Variants in XRN1 observed in about 807,000 individuals in gnomAD.
XRN1 encodes strand-exchange protein 1 homolog.
XRN1 carries 67 observed loss-of-function variants against 222.3 expected under a neutral mutation model. That is an observed-to-expected ratio of 0.30 (90% CI 0.25 to 0.37). The LOEUF (loss-of-function observed/expected upper bound fraction) is 0.37, where lower values mean the gene tolerates loss of function less well. XRN1 is among the 10% of genes least tolerant of loss of function. The pLI is 1.00. For missense variants in XRN1, 1,707 were observed against 2,000.2 expected, an observed-to-expected ratio of 0.85 and a Z score of 2.80; for synonymous variants, 643 against 652.4, an observed-to-expected ratio of 0.99 and a Z score of 0.22.
chr3:142,322,577 T>A (rs1407966781), intron 37 of XRN1, among the ~76,000 whole-genome samples: 1 of 151,994 alleles, frequency 6.6e-6, no homozygotes, highest in East Asian at 1.9e-4. Flanking sequence ...TCCCAGCTAC[T>A]CAGGAGGCAG....
chr3:142,324,615 AT>A (rs36136360), intron 37 of XRN1, among the ~76,000 whole-genome samples: 56,709 of 151,370 alleles, frequency 0.37, 10,818 homozygotes, highest in Middle Eastern at 0.47. Context: ...ATACCCAGTA[AT>A]GGGATGGCTG....
intron 15 of XRN1, among the ~76,000 whole-genome samples, chr3:142,407,101 T>C (rs1475278243): frequency 1.3e-5 from 2 of 152,198 alleles, no homozygotes; most frequent in Non-Finnish European, 2.9e-5. Flanking sequence ...TCAGCACAGT[T>C]ATTTGGTCTT....
chr3:142,315,511 T>C (rs1433788429), intron 39 of XRN1, among the ~76,000 whole-genome samples: 1 of 144,610 alleles, frequency 6.9e-6, no homozygotes, highest in Non-Finnish European at 1.5e-5. Flanking sequence ...ATTTTCTTTT[T>C]CTTTTTTTTT....
Position 142,329,502 on chromosome 3 carries a change from C to T in XRN1, c.4336G>A (p.Glu1446Lys), listed in dbSNP as rs1351769682. Reference sequence around the variant, plus strand: ...ACAAGGGAACAAATTCGAGAAAGTTCAGTTACTGGTGTGGATACAGGAGGG... The same window carrying T: ...ACAAGGGAACAAATTCGAGAAAGTTTAGTTACTGGTGTGGATACAGGAGGG... Reference protein sequence around the residue: ...QIPPVSTPVTELSRICSLVGM... With the variant: ...QIPPVSTPVTKLSRICSLVGM... Residue 1446 changes from glutamate to lysine, a missense_variant, in exon 37 of 41, where the codon GAA becomes AAA. Glu to Lys is a moderately conservative substitution (Grantham distance 56, BLOSUM62 1). Around this residue, in one of 2 missense-constraint regions of XRN1, gnomAD observed 473 missense variants for 482.0 expected, o/e 0.98. Transcript: ENST00000392981. 1.3e-6 allele frequency: 2 copies of T among 1,594,370 alleles called. No individual in the cohort carries two copies. Among genetic ancestry groups the T allele is most frequent in the African/African-American group, 1.4e-5 (1 of 73,518 alleles).
At chr3:142,384,288 A>C (rs1196545763) in intron 21 of XRN1, among the ~76,000 whole-genome samples, 1 of 151,692 alleles carries the variant, frequency 6.6e-6, no homozygotes. Context: ...AAAAAAAGAA[A>C]AAAAAAAAAG....
chr3:142,362,974 G>A (rs1441032221), intron 29 of XRN1, among the ~76,000 whole-genome samples: 2 of 150,320 alleles, frequency 1.3e-5, no homozygotes, highest in Non-Finnish European at 3.0e-5. Flanking sequence ...AGAGTTTCAC[G>A]TTGTTACCCA....
intron 31 of XRN1, among the ~76,000 whole-genome samples, chr3:142,355,776 A>AT (rs755409479): frequency 7.2e-4 from 103 of 142,088 alleles, no homozygotes; most frequent in Non-Finnish European, 9.8e-4. Flanking sequence ...ATGCCCAACT[A>AT]TTTTTTTTTT....
At chr3:142,423,881 T>A (rs1017604030) in intron 5 of XRN1, among the ~76,000 whole-genome samples, 2 of 152,176 alleles carry the variant, frequency 1.3e-5, no homozygotes, top group Non-Finnish European at 2.9e-5. Flanking sequence ...CTATCCCCTG[T>A]CCCCTCTCCT....
rs1199013946 is a variant in XRN1, at chr3:142,354,148, A to T, written c.3768+1253T>A. ...AAAACATGAATAGATGCTTTGTAAA[A>T]TAAGACATATCAGTGGACAAGAAAC... On this transcript the variant is annotated intron_variant, in intron 32 of 40. Transcript: ENST00000392981. Among the ~76,000 whole-genome samples the T allele has an allele frequency of 2.0e-5, 3 of 152,216 alleles. No individual in the cohort carries two copies. The East Asian group carries it at 5.8e-4, about 29-fold the overall frequency.
At chr3:142,421,409 A>T in intron 9 of XRN1, 67 bp downstream of exon 9, 2 of 1,293,482 alleles carry the variant, frequency 1.5e-6, no homozygotes, top group Non-Finnish European at 2.2e-6. Context: ...TTCTGGTATT[A>T]CATAATTGGT....
intron 20 of XRN1, among the ~76,000 whole-genome samples, chr3:142,389,740 G>A (rs1423724425): frequency 1.3e-5 from 2 of 152,102 alleles, no homozygotes; most frequent in East Asian, 1.9e-4. Flanking sequence ...GGCTGGCCTC[G>A]AACTACTGAC....
At chr3:142,436,019 C>T (rs538153779) in intron 1 of XRN1, 4 of 147,578 alleles carry the variant, frequency 2.7e-5, no homozygotes, top group South Asian at 2.1e-4. Flanking sequence ...GAGATCGTGC[C>T]GCTGCACTCC....
Position 142,311,666 on chromosome 3 carries a change from A to G in XRN1, c.4930T>C (p.Ser1644Pro). 6.2e-7 allele frequency: 1 copy of G among 1,614,140 alleles called. No individual in the cohort carries two copies. The highest frequency in any genetic ancestry group is 2.2e-5 in the East Asian group (1 of 44,884). ...PRESSSASLK[S>P]SPIAQPASSF... ...GATGCAGGTTGAGCAATCGGAGAGG[A>G]CTTCAAAGAAGCTGATGAGCTCTCC... Residue 1644 changes from serine to proline, a missense_variant, in exon 41 of 41, where the codon TCC becomes CCC. Physicochemically the swap from Ser to Pro is moderately conservative, Grantham distance 74. Coordinates refer to ENST00000392981, the MANE Select transcript of XRN1 (RefSeq NM_001282857.2).
intron 33 of XRN1, among the ~76,000 whole-genome samples, chr3:142,345,229 T>C (rs1374790626): frequency 6.6e-6 from 1 of 152,174 alleles, no homozygotes; most frequent in Non-Finnish European, 1.5e-5. Context: ...TGCCTGGCTC[T>C]ATAGCCAAAT....
chr3:142,356,451 C>T (rs1307047873), intron 31 of XRN1, among the ~76,000 whole-genome samples: 2 of 152,112 alleles, frequency 1.3e-5, no homozygotes, highest in African/African-American at 4.8e-5. Flanking sequence ...CACAAGACAA[C>T]TCAATTTTTG....
intron 25 of XRN1, among the ~76,000 whole-genome samples, chr3:142,372,541 T>C (rs763068752): frequency 6.6e-6 from 1 of 152,182 alleles, no homozygotes; most frequent in Non-Finnish European, 1.5e-5. Flanking sequence ...ACAATCAGAA[T>C]GTCTGGGTTT....
intron 15 of XRN1, among the ~76,000 whole-genome samples, chr3:142,409,469 G>T (rs2068475751): frequency 6.6e-6 from 1 of 152,150 alleles, no homozygotes; most frequent in Non-Finnish European, 1.5e-5. Flanking sequence ...AATTGAAGAT[G>T]AATTAACTGC....
At chr3:142,346,263 C>T (rs1316883218) in intron 33 of XRN1, among the ~76,000 whole-genome samples, 1 of 152,150 alleles carries the variant, frequency 6.6e-6, no homozygotes, top group Non-Finnish European at 1.5e-5. Context: ...CAAGACCCTC[C>T]TGTGGCTATC....
rs1256667263 is a variant in XRN1 at position 142,440,839 on chromosome 3, C to T, written c.75+7031G>A. ...CATCCTGACTCTCAATTCTTGTTTG[C>T]CTTTGAAGAGCCTTCGAACCCAACG... On this transcript the variant is annotated intron_variant, in intron 1 of 40. Transcript: ENST00000392981. Among the ~76,000 whole-genome samples the T allele has an allele frequency of 3.3e-5, 5 of 152,168 alleles. No homozygotes were observed. In the East Asian group the frequency reaches 5.8e-4, roughly 18 times the overall value.
Sources: gnomAD v4.1 joint callset for allele counts (sites outside exome capture counted in the v4.1 genomes callset) on GRCh38, gnomAD v4.1.1 for gene constraint, gnomAD v4.1.1 regional missense constraint, MANE v1.5 for transcripts, NCBI Gene and HGNC (gene_info 2026-07-23, HGNC 2026-07-21) for gene names.